CSNK2A1: variants seen among roughly 807,000 people sequenced by gnomAD.
CSNK2A1 encodes casein kinase 2 alpha 1, also known as casein kinase II subunit alpha.
A neutral mutation model predicts 62.9 loss-of-function variants in CSNK2A1; 10 were observed. That is an observed-to-expected ratio of 0.16 (90% CI 0.10 to 0.27). CSNK2A1 has a LOEUF of 0.27. CSNK2A1 is among the 10% of genes least tolerant of loss of function. CSNK2A1 has a pLI of 1.00. For synonymous variants in CSNK2A1, 124 were observed against 167.8 expected (o/e 0.74, Z 2.02); for missense variants, 160 against 492.0 (o/e 0.33, Z 6.38).
At chr20:488,851 G>A in intron 10 of CSNK2A1, 73 bp from the exon 11 acceptor site, 1 of 1,385,284 alleles carries the variant, frequency 7.2e-7, no homozygotes, top group Non-Finnish European at 1.0e-6. Flanking sequence ...AACAATGATT[G>A]AATTTACATA....
chr20:500,634 C>CTTTTTTTT lies in CSNK2A1; in HGVS notation c.214-708_214-701dup, dbSNP rs11479834. 1.8e-4 allele frequency: 24 copies of CTTTTTTTT among 130,298 alleles called. 2 individuals are homozygous for CTTTTTTTT. Among genetic ancestry groups the CTTTTTTTT allele is most frequent in the African/African-American group, 7.1e-4 (24 of 33,780 alleles). The allele number at this position is 130,298 out of a possible 1,614,324, so 8.1% of individuals were successfully genotyped here. ...ACTGTCTAGCCTGATCACCAATGCT[C>CTTTTTTTT]TTTTTTTTTTTTTTTTTTTTTTGAG... On this transcript the variant is annotated intron_variant, in intron 4 of 13. Transcript: ENST00000217244.
intron 4 of CSNK2A1, chr20:500,257 G>C (rs2018432773): frequency 4.3e-6 from 1 of 232,634 alleles, no homozygotes; most frequent in East Asian, 1.0e-4. Flanking sequence ...ACCTTACAAA[G>C]TAGCAATTTA....
At chr20:530,799 CAG>C (rs2019197270) in intron 1 of CSNK2A1, among the ~76,000 whole-genome samples, 1 of 152,062 alleles carries the variant, frequency 6.6e-6, no homozygotes, top group African/African-American at 2.4e-5. Flanking sequence ...AAAAGTAAAT[CAG>C]GGGCCAGGCA....
intron 10 of CSNK2A1, chr20:489,289 A>T (rs1013316396): frequency 5.7e-6 from 1 of 174,108 alleles, no homozygotes; most frequent in Non-Finnish European, 1.2e-5. Flanking sequence ...TGACTCATTA[A>T]AATTGGACAT....
chr20:540,535 T>C (rs968701279), intron 1 of CSNK2A1, among the ~76,000 whole-genome samples: 1 of 152,164 alleles, frequency 6.6e-6, no homozygotes. Flanking sequence ...TAAAAGTATG[T>C]CCTAGGCCTT....
At chr20:523,101 A>G (rs574675696) in intron 2 of CSNK2A1, among the ~76,000 whole-genome samples, 1 of 152,350 alleles carries the variant, frequency 6.6e-6, no homozygotes, top group Admixed American at 6.5e-5. Context: ...CAACATTACA[A>G]GTTAAATACT....
At chr20:492,730 T>C (rs1353883600) in intron 8 of CSNK2A1, 1 of 187,586 alleles carries the variant, frequency 5.3e-6, no homozygotes, top group Non-Finnish European at 1.1e-5. Flanking sequence ...GAATTTTAGA[T>C]ATATTTCTTT....
Position 499,292 on chromosome 20 carries a change from G to A in CSNK2A1, c.329C>T (p.Ala110Val). The A allele has an allele frequency of 6.2e-7, 1 of 1,607,960 alleles. No individual in the cohort carries two copies. The highest frequency in any genetic ancestry group is 8.5e-7 in the Non-Finnish European group (1 of 1,177,114). ...GTTGTTTACGTGTTCAAAAACCAAG[G>A]CGGGGGTTCGTGACTAGGGGAAAAG... The part of the protein sequence containing the change: ...IVKDPVSRTP[A>V]LVFEHVNNTD... The change falls in exon 6 of 14, where the codon GCC becomes GTC. Residue 110 changes from alanine to valine, a missense_variant. Physicochemically the swap from Ala to Val is moderately conservative, Grantham distance 64. This residue lies in a region of CSNK2A1 where 94 missense variants were observed against 357.6 expected (regional missense o/e 0.26). Transcript: ENST00000217244. This position sits in a 1 kb window ranked among gnomAD's most constrained non-coding sequence, Gnocchi z 4.2.
intron 1 of CSNK2A1, among the ~76,000 whole-genome samples, chr20:538,925 C>T (rs370900807): frequency 7.9e-5 from 12 of 152,282 alleles, no homozygotes; most frequent in East Asian, 7.7e-4. Context: ...TCAGAAACTA[C>T]ATCTCACTAA....
At chr20:494,246 T>C (rs1251146875) in intron 8 of CSNK2A1, 1 of 152,194 alleles carries the variant, frequency 6.6e-6, no homozygotes, top group Non-Finnish European at 1.5e-5. Context: ...GCCAGGCTGG[T>C]CTTGAACTCC....
chr20:517,471 T>C (rs1056531498), intron 2 of CSNK2A1, among the ~76,000 whole-genome samples: 1 of 152,170 alleles, frequency 6.6e-6, no homozygotes, highest in African/African-American at 2.4e-5. Flanking sequence ...ACCATTACAA[T>C]CTCAAGTGAT....
chr20:516,320 AG>A (rs1400446802), intron 2 of CSNK2A1, among the ~76,000 whole-genome samples: 1 of 152,234 alleles, frequency 6.6e-6, no homozygotes, highest in African/African-American at 2.4e-5. Context: ...AGACATGGCT[AG>A]GTCTTGTATG....
At chr20:525,859 A>G (rs974898540) in intron 2 of CSNK2A1, among the ~76,000 whole-genome samples, 1 of 140,950 alleles carries the variant, frequency 7.1e-6, no homozygotes, top group Non-Finnish European at 1.5e-5. Context: ...AAAAAAAAAA[A>G]GCCAGGTGTG....
intron 7 of CSNK2A1, among the ~76,000 whole-genome samples, chr20:497,301 C>T (rs1017276947): frequency 6.6e-6 from 1 of 152,080 alleles, no homozygotes; most frequent in Admixed American, 6.5e-5. Context: ...GCATAAGCCA[C>T]CATACCCAGC....
intron 4 of CSNK2A1, chr20:500,348 T>C (rs769003721): frequency 2.2e-4 from 43 of 195,124 alleles, no homozygotes; most frequent in Admixed American, 6.5e-4. Context: ...TTCCTCTAAT[T>C]AGGGCCAACA....
intron 1 of CSNK2A1, among the ~76,000 whole-genome samples, chr20:534,426 T>C (rs999779095): frequency 2.6e-5 from 4 of 152,260 alleles, no homozygotes; most frequent in Middle Eastern, 3.4e-3. Flanking sequence ...CAGGCCACAA[T>C]TGTATAAAAA....
At position 495,806 on chromosome 20, in the gene CSNK2A1, TGGGATGAAC is replaced by T; in HGVS notation, c.427-13_427-5del. On this transcript the variant is annotated splice_polypyrimidine_tract_variant and splice_region_variant and intron_variant, in intron 7 of 13. Coordinates refer to ENST00000217244, the MANE Select transcript of CSNK2A1 (RefSeq NM_177559.3). ...TGCTGTGACAATAATCCAGGGCCTG[TGGGATGAAC>T]GGGTCAGAAAGGAGTTAGCCTGAAT... 6.2e-7 allele frequency: 1 copy of T among 1,613,308 alleles called. No individual in the cohort carries two copies. The highest frequency in any genetic ancestry group is 8.5e-7 in the Non-Finnish European group (1 of 1,179,264).
Position 497,800 on chromosome 20 carries a change from G to C in CSNK2A1, c.367-20C>G. The C allele has an allele frequency of 6.2e-7, 1 of 1,608,500 alleles. No homozygotes were observed. The highest frequency in any genetic ancestry group is 8.5e-7 in the Non-Finnish European group (1 of 1,176,246). ...CAATTGCTGTTAAAGACAAATGTTTGAGCCATGAAATAATGCTGACAGAAA... is the reference window on the plus strand; with the variant it reads ...CAATTGCTGTTAAAGACAAATGTTTCAGCCATGAAATAATGCTGACAGAAA... On this transcript the variant is annotated intron_variant, in intron 6 of 13. Transcript: ENST00000217244.
intron 2 of CSNK2A1, 149 bp from the exon 3 acceptor site, chr20:508,809 C>T (rs765759576): frequency 3.8e-5 from 14 of 370,310 alleles, no homozygotes; most frequent in Non-Finnish European, 4.8e-5. Context: ...TTAACCAGTG[C>T]TTCCTATAAC....
Sources: gnomAD v4.1 joint callset for allele counts (sites outside exome capture counted in the v4.1 genomes callset) on GRCh38, gnomAD v4.1.1 for gene constraint, gnomAD v4.1.1 regional missense constraint, Gnocchi (gnomAD v3.1) non-coding constraint, MANE v1.5 for transcripts, NCBI Gene and HGNC (gene_info 2026-07-23, HGNC 2026-07-21) for gene names.